Variants in CD200R1 observed in about 807,000 individuals in gnomAD.
CD200R1 encodes the protein CD200 receptor 1, also known as cell surface glycoprotein CD200 receptor 1.
CD200R1 carries 30 observed loss-of-function variants against 38.1 expected under a neutral mutation model. The observed-to-expected ratio is 0.79, with a 90% confidence interval of 0.59 to 1.07. CD200R1 has a LOEUF of 1.07. Among genes scored for constraint, CD200R1 ranks in the 50% least tolerant of loss-of-function variants. The pLI is 0.00. For synonymous variants in CD200R1, 128 were observed against 152.1 expected, an observed-to-expected ratio of 0.84 and a Z score of 1.16; for missense variants, 372 against 415.4, an observed-to-expected ratio of 0.90 and a Z score of 0.91.
intron 1 of CD200R1, 90 bp from the exon 2 acceptor site, chr3:112,948,014 T>C: frequency 1.2e-6 from 1 of 854,360 alleles, no homozygotes; most frequent in South Asian, 1.4e-5. Context: ...TTCACATTCT[T>C]CAGACTATTT....
At chr3:112,951,487 A>C (rs1940967944) in intron 1 of CD200R1, among the ~76,000 whole-genome samples, 1 of 151,896 alleles carries the variant, frequency 6.6e-6, no homozygotes, top group African/African-American at 2.4e-5. Context: ...CATTTTATGA[A>C]GGTAGAATTA....
chr3:112,957,152 A>C (rs1207879978), intron 1 of CD200R1, among the ~76,000 whole-genome samples: 1 of 152,208 alleles, frequency 6.6e-6, no homozygotes, highest in East Asian at 1.9e-4. Context: ...AAGAGGTGAC[A>C]CAAGTAATTT....
At chr3:112,963,437 G>A (rs984619890) in intron 1 of CD200R1, among the ~76,000 whole-genome samples, 3 of 152,206 alleles carry the variant, frequency 2.0e-5, no homozygotes, top group African/African-American at 7.2e-5. Context: ...TCCAGGCTTA[G>A]GTGGTCTCAG....
intron 3 of CD200R1, 131 bp downstream of exon 3, chr3:112,930,975 C>A: frequency 1.6e-6 from 1 of 640,458 alleles, no homozygotes; most frequent in South Asian, 1.9e-5. Context: ...TCCCTCATAC[C>A]ACAGTACTCA....
chr3:112,948,575 T>A (rs1319468916), intron 1 of CD200R1, among the ~76,000 whole-genome samples: 1 of 152,210 alleles, frequency 6.6e-6, no homozygotes, highest in Non-Finnish European at 1.5e-5. Flanking sequence ...GAGCATCTAA[T>A]GCCTCCAACT....
At chr3:112,929,610 G>A in intron 3 of CD200R1, 103 bp from the exon 4 acceptor site, 1 of 1,066,974 alleles carries the variant, frequency 9.4e-7, no homozygotes, top group Non-Finnish European at 1.3e-6. Flanking sequence ...AACTTTGTTG[G>A]TGATCTTATT....
chr3:112,961,407 C>T (rs769249176), intron 1 of CD200R1, among the ~76,000 whole-genome samples: 22 of 151,642 alleles, frequency 1.5e-4, no homozygotes, highest in Admixed American at 3.9e-4. Context: ...ATATAAGAAA[C>T]AAAAACAAAA....
chr3:112,943,260 T>C (rs1407858667), intron 2 of CD200R1, among the ~76,000 whole-genome samples: 2 of 151,474 alleles, frequency 1.3e-5, no homozygotes, highest in Non-Finnish European at 3.0e-5. Context: ...ATATAAAAAA[T>C]AGAAATTACA....
intron 3 of CD200R1, among the ~76,000 whole-genome samples, chr3:112,929,810 A>ATGTT (rs1940382625): frequency 6.6e-6 from 1 of 152,136 alleles, no homozygotes; most frequent in Non-Finnish European, 1.5e-5. Flanking sequence ...AAATTAAACA[A>ATGTT]CAAAGGCAAT....
At chr3:112,948,017 G>C in intron 1 of CD200R1, 93 bp from the exon 2 acceptor site, 1 of 837,678 alleles carries the variant, frequency 1.2e-6, no homozygotes, top group Non-Finnish European at 2.0e-6. Context: ...ACATTCTTCA[G>C]ACTATTTTTG....
intron 1 of CD200R1, among the ~76,000 whole-genome samples, chr3:112,949,992 A>G (rs1034220272): frequency 4.6e-5 from 7 of 152,208 alleles, no homozygotes; most frequent in African/African-American, 1.7e-4. Context: ...ATGGACAGAA[A>G]TTTTATGGAA....
At chr3:112,934,738 G>A (rs1940536358) in intron 2 of CD200R1, among the ~76,000 whole-genome samples, 1 of 152,134 alleles carries the variant, frequency 6.6e-6, no homozygotes, top group Admixed American at 6.5e-5. Flanking sequence ...GCTGAGGCAG[G>A]AGAATTGCTT....
chr3:112,931,672 CTTA>C (rs2107307046), intron 2 of CD200R1, among the ~76,000 whole-genome samples: 1 of 152,228 alleles, frequency 6.6e-6, no homozygotes, highest in African/African-American at 2.4e-5. Context: ...TTGTTTTCTA[CTTA>C]TTAGAGTACA....
At chr3:112,951,502 T>C (rs1940968134) in intron 1 of CD200R1, among the ~76,000 whole-genome samples, 1 of 151,842 alleles carries the variant, frequency 6.6e-6, no homozygotes, top group Non-Finnish European at 1.5e-5. Context: ...GAATTAACCA[T>C]ATATCAAAAC....
intron 2 of CD200R1, among the ~76,000 whole-genome samples, chr3:112,939,869 C>CAAAAAACAAACAAACCAA (rs1940684316): frequency 9.1e-5 from 11 of 120,356 alleles, no homozygotes; most frequent in South Asian, 5.3e-4. Context: ...ACAAACAAAC[C>CAAAAAACAAACAAACCAA]AAAAAAAAAA....
At position 112,930,982 on chromosome 3, in the gene CD200R1, C is replaced by T. The variant is rs1051231980; in HGVS notation, c.202+124G>A. 1.5e-5 allele frequency: 10 copies of T among 687,412 alleles called. No homozygotes were observed. In the African/African-American group the frequency reaches 1.6e-4, roughly 11 times the overall value. The allele number at this position is 687,412 out of a possible 1,614,324, so 42.6% of individuals were successfully genotyped here. On this transcript the variant is annotated intron_variant, in intron 3 of 7. Transcript: ENST00000308611. ...ATTCAGGATCCCTCATACCACAGTA[C>T]TCAGATCACCAAGTTCTTCAAGTAG...
intron 1 of CD200R1, among the ~76,000 whole-genome samples, chr3:112,952,665 T>C (rs1940993959): frequency 6.6e-6 from 1 of 152,020 alleles, no homozygotes; most frequent in African/African-American, 2.4e-5. Context: ...AGGGATAGCA[T>C]TGGGAGATAT....
At chr3:112,974,222 A>C (rs1251254847) in intron 1 of CD200R1, among the ~76,000 whole-genome samples, 1 of 152,150 alleles carries the variant, frequency 6.6e-6, no homozygotes, top group Non-Finnish European at 1.5e-5. Flanking sequence ...AATTGCTTGA[A>C]GACAGGAGCT....
chr3:112,968,125 A>G (rs1190092083), intron 1 of CD200R1, among the ~76,000 whole-genome samples: 1 of 152,212 alleles, frequency 6.6e-6, no homozygotes, highest in Non-Finnish European at 1.5e-5. Flanking sequence ...TTATATTTGT[A>G]TTTAGAAATT....
Sources: gnomAD v4.1 joint callset for allele counts (sites outside exome capture counted in the v4.1 genomes callset) on GRCh38, gnomAD v4.1.1 for gene constraint, MANE v1.5 for transcripts, NCBI Gene and HGNC (gene_info 2026-07-23, HGNC 2026-07-21) for gene names.